The following THSD4 variants were observed in gnomAD, a reference collection of about 807,000 sequenced individuals.
THSD4 encodes the protein thrombospondin type 1 domain containing 4.
A neutral mutation model predicts 119.0 loss-of-function variants in THSD4; 69 were observed. That is an observed-to-expected ratio of 0.58 (90% confidence interval 0.48 to 0.71). The LOEUF is 0.71. THSD4 is among the 30% of genes least tolerant of loss of function. THSD4 has a pLI of 0.00. For missense variants in THSD4, 1,393 were observed against 1,391.1 expected (o/e 1.00, Z -0.02); for synonymous variants, 524 against 540.4 (o/e 0.97, Z 0.42).
At chr15:71,746,048 C>A (rs2053330641) in intron 12 of THSD4, among the ~76,000 whole-genome samples, 1 of 152,194 alleles carries the variant, frequency 6.6e-6, no homozygotes, top group African/African-American at 2.4e-5. Context: ...AAATATAATT[C>A]TCATCCAAGT....
At chr15:71,491,000 AT>A (rs2047910798) in intron 7 of THSD4, among the ~76,000 whole-genome samples, 1 of 152,236 alleles carries the variant, frequency 6.6e-6, no homozygotes, top group South Asian at 2.1e-4. Flanking sequence ...CTAACACAAC[AT>A]AAAAGTGAAC....
chr15:71,708,614 C>T (rs2052441454), intron 8 of THSD4, among the ~76,000 whole-genome samples: 1 of 152,132 alleles, frequency 6.6e-6, no homozygotes, highest in Non-Finnish European at 1.5e-5. Flanking sequence ...GAGAATAAGG[C>T]ATCACATATA....
chr15:71,195,230 A>C (rs1031187455), intron 3 of THSD4, among the ~76,000 whole-genome samples: 1 of 152,256 alleles, frequency 6.6e-6, no homozygotes, highest in African/African-American at 2.4e-5. Context: ...GTTGTTTTCC[A>C]TCCCAAAATA....
At chr15:71,626,627 A>G (rs1237100231) in intron 7 of THSD4, among the ~76,000 whole-genome samples, 1 of 152,222 alleles carries the variant, frequency 6.6e-6, no homozygotes, top group Non-Finnish European at 1.5e-5. Context: ...TGTAGTACCA[A>G]TGATGGAATG....
chr15:71,691,437 G>C (rs1396450343), intron 8 of THSD4, among the ~76,000 whole-genome samples: 2 of 152,234 alleles, frequency 1.3e-5, no homozygotes, highest in Non-Finnish European at 2.9e-5. Flanking sequence ...TGCCTGTTCA[G>C]GTGTTAGCTG....
At chr15:71,312,718 A>T (rs888237110) in intron 6 of THSD4, among the ~76,000 whole-genome samples, 3 of 151,028 alleles carry the variant, frequency 2.0e-5, no homozygotes, top group African/African-American at 4.9e-5. Context: ...TTCTCACTCC[A>T]CTCTAGCACG....
At chr15:71,225,771 C>T (rs1371482311) in intron 4 of THSD4, among the ~76,000 whole-genome samples, 2 of 151,972 alleles carry the variant, frequency 1.3e-5, no homozygotes, top group Admixed American at 6.6e-5. Context: ...GAACTCCTGA[C>T]CTCAAGTGAT....
chr15:71,169,903 G>A (rs890509331), intron 3 of THSD4, among the ~76,000 whole-genome samples: 1 of 152,158 alleles, frequency 6.6e-6, no homozygotes, highest in Non-Finnish European at 1.5e-5. Flanking sequence ...GCCAGGCATG[G>A]TGGCTCAAGC....
chr15:71,384,310 G>A (rs1348576756), intron 6 of THSD4, among the ~76,000 whole-genome samples: 1 of 152,054 alleles, frequency 6.6e-6, no homozygotes, highest in Non-Finnish European at 1.5e-5. Context: ...CCCCGGAGGC[G>A]GAACTTGCAG....
At chr15:71,211,931 C>T (rs560579704) in intron 3 of THSD4, among the ~76,000 whole-genome samples, 28 of 152,222 alleles carry the variant, frequency 1.8e-4, no homozygotes, top group Non-Finnish European at 2.9e-4. Flanking sequence ...CCTGTTAGTT[C>T]GTCCTAATTT....
intron 1 of THSD4, among the ~76,000 whole-genome samples, chr15:71,106,015 T>C (rs1356938278): frequency 6.6e-6 from 1 of 152,184 alleles, no homozygotes; most frequent in Non-Finnish European, 1.5e-5. Flanking sequence ...TGATATGTTC[T>C]ATCCATAACA....
chr15:71,352,721 AAC>A (rs368156416), intron 6 of THSD4, among the ~76,000 whole-genome samples: 6 of 152,340 alleles, frequency 3.9e-5, no homozygotes, highest in African/African-American at 1.4e-4. Context: ...GAATAATTGT[AAC>A]ACAGTGTCCT....
At chr15:71,641,757 T>C (rs28418614) in intron 7 of THSD4, among the ~76,000 whole-genome samples, 1,842 of 152,178 alleles carry the variant, frequency 0.012, 35 homozygotes, top group African/African-American at 0.042. Flanking sequence ...ATTAAAGGGA[T>C]ATTTTTAAGC....
At chr15:71,109,137 G>C (rs2040286963) in intron 1 of THSD4, among the ~76,000 whole-genome samples, 3 of 152,198 alleles carry the variant, frequency 2.0e-5, no homozygotes, top group Admixed American at 6.5e-5. Flanking sequence ...TGTAGCTTCT[G>C]GATGAACACC....
At chr15:71,595,550 TC>T (rs1332105268) in intron 7 of THSD4, among the ~76,000 whole-genome samples, 2 of 152,260 alleles carry the variant, frequency 1.3e-5, no homozygotes, top group East Asian at 3.9e-4. Context: ...CTCTTTTTGT[TC>T]CCAGTTTCAA....
chr15:71,232,388 C>T (rs2044068593), intron 4 of THSD4, among the ~76,000 whole-genome samples: 1 of 152,168 alleles, frequency 6.6e-6, no homozygotes, highest in South Asian at 2.1e-4. Flanking sequence ...GCCTCTGTGT[C>T]AGACTCAGAG....
chr15:71,456,339 G>A (rs542248753), intron 7 of THSD4, among the ~76,000 whole-genome samples: 3 of 152,278 alleles, frequency 2.0e-5, no homozygotes, highest in African/African-American at 7.2e-5. Flanking sequence ...TTTGCCAGGA[G>A]CAAAAGGAGC....
chr15:71,512,945 A>G (rs1055852871), intron 7 of THSD4, among the ~76,000 whole-genome samples: 5 of 152,324 alleles, frequency 3.3e-5, no homozygotes, highest in Admixed American at 6.5e-5. Flanking sequence ...AAATGAAAAC[A>G]TACATCTTGG....
chr15:71,434,740 C>G (rs1056044696), intron 7 of THSD4, among the ~76,000 whole-genome samples: 1 of 152,134 alleles, frequency 6.6e-6, no homozygotes, highest in South Asian at 2.1e-4. Context: ...TGAATGTCAG[C>G]TTTTAATGAA....
Sources: gnomAD v4.1 joint callset for allele counts (sites outside exome capture counted in the v4.1 genomes callset) on GRCh38, gnomAD v4.1.1 for gene constraint, MANE v1.5 for transcripts, NCBI Gene and HGNC (gene_info 2026-07-23, HGNC 2026-07-21) for gene names.